Variants in FBXO47 observed in about 807,000 individuals in gnomAD.
The protein encoded by FBXO47 is F-box only protein 47.
In FBXO47, 34 loss-of-function variants were observed where a neutral mutation model predicts 53.9. The observed-to-expected ratio is 0.63, with a 90% CI of 0.48 to 0.84. FBXO47 has a LOEUF of 0.84. FBXO47 is among the 40% of genes least tolerant of loss of function. FBXO47 has a pLI of 0.00. For synonymous variants in FBXO47, 165 were observed against 181.6 expected, an observed-to-expected ratio of 0.91 and a Z score of 0.73; for missense variants, 485 against 541.3, an observed-to-expected ratio of 0.90 and a Z score of 1.03.
chr17:38,959,593 A>G (rs1905721574), intron 3 of FBXO47, among the ~76,000 whole-genome samples: 1 of 150,850 alleles, frequency 6.6e-6, no homozygotes, highest in Non-Finnish European at 1.5e-5. Flanking sequence ...AAAAAAAAAA[A>G]AAAAAAAAAA....
intron 3 of FBXO47, among the ~76,000 whole-genome samples, chr17:38,957,557 C>T (rs1905611846): frequency 6.6e-6 from 1 of 152,064 alleles, no homozygotes; most frequent in Admixed American, 6.6e-5. Flanking sequence ...AAGACAAAGA[C>T]ACACTAGAGA....
intron 6 of FBXO47, among the ~76,000 whole-genome samples, chr17:38,948,010 G>A (rs1905026414): frequency 6.6e-6 from 1 of 152,048 alleles, no homozygotes; most frequent in South Asian, 2.1e-4. Flanking sequence ...CCCATTTAAA[G>A]TGTACAATTC....
At chr17:38,949,661 T>G (rs1163538794) in intron 6 of FBXO47, among the ~76,000 whole-genome samples, 1 of 152,172 alleles carries the variant, frequency 6.6e-6, no homozygotes, top group Non-Finnish European at 1.5e-5. Flanking sequence ...GTTGTCACAT[T>G]CTCACTAACA....
At chr17:38,954,436 A>C (rs1905453666) in intron 5 of FBXO47, among the ~76,000 whole-genome samples, 1 of 152,316 alleles carries the variant, frequency 6.6e-6, no homozygotes, top group African/African-American at 2.4e-5. Context: ...ATTAGTCAAA[A>C]TGTTCTTGAA....
chr17:38,946,799 GATATATAAACATATATAAATATATAA>G lies in FBXO47; in HGVS notation c.617-1689_617-1664del, dbSNP rs1362981816. ...ATATATAAACATATAAATATATATA[GATATATAAACATATATAAATATATAA>G]ATATATAAATATATATAAACATATA... On this transcript the variant is annotated intron_variant, in intron 6 of 10. Transcript: ENST00000378079. Among the ~76,000 whole-genome samples the G allele has an allele frequency of 7.0e-5, 5 of 71,588 alleles. No individual in the cohort carries two copies. In the East Asian group the frequency reaches 2.1e-3, roughly 31 times the overall value. 47.0% of individuals were successfully genotyped at this position (71,588 alleles called of 152,430 possible). A position where few individuals can be genotyped will look rare whatever the true frequency, so the allele number is the denominator to read the frequency against.
rs775124906 is a variant in FBXO47 at position 38,945,082 on chromosome 17, A to T, written c.671T>A (p.Leu224His). Residue 224 changes from leucine to histidine, a missense_variant, in exon 7 of 11, where the codon CTT becomes CAT. By Grantham distance (99) the Leu-to-His change is moderately conservative. Coordinates refer to ENST00000378079, the MANE Select transcript of FBXO47 (RefSeq NM_001008777.3). ...RIRLFCRNVL[L>H]DHWTHRSDSA... is the part of the protein sequence containing the mutation. ...ATCACTTCGATGTGTCCAATGATCA[A>T]GGAGGACATTCCTACAGAAGAGTCT... 4 of 1,613,784 alleles carry T rather than the reference A, an allele frequency of 2.5e-6. No individual in the cohort carries two copies. Among genetic ancestry groups the T allele is most frequent in the Non-Finnish European group, 3.4e-6 (4 of 1,179,832 alleles).
At chr17:38,939,652 CTTTTTTTTTTTTTT>C (rs970784178) in intron 9 of FBXO47, among the ~76,000 whole-genome samples, 4 of 91,110 alleles carry the variant, frequency 4.4e-5, no homozygotes, top group African/African-American at 1.4e-4. Flanking sequence ...TAAAAGGTTT[CTTTTTTTTTTTTTT>C]TTTTTTTTTT....
intron 9 of FBXO47, 82 bp downstream of exon 9, chr17:38,942,696 A>G: frequency 9.7e-7 from 1 of 1,035,598 alleles, no homozygotes; most frequent in African/African-American, 1.6e-5. Flanking sequence ...TTTTGTCCAC[A>G]TTTCAGTTCC....
intron 6 of FBXO47, among the ~76,000 whole-genome samples, chr17:38,949,956 C>T (rs1010491465): frequency 2.6e-5 from 4 of 152,066 alleles, no homozygotes; most frequent in African/African-American, 9.7e-5. Flanking sequence ...TACAATTCAA[C>T]CATTTAAAGT....
chr17:38,946,373 TATATATAAATATATATATCTATATATAA>T (rs1211553952), intron 6 of FBXO47, among the ~76,000 whole-genome samples: 2 of 93,496 alleles, frequency 2.1e-5, no homozygotes, highest in African/African-American at 9.6e-5. Flanking sequence ...TATATAGATA[TATATATAAATATATATATCTATATATAA>T]ATATATAGAT....
At chr17:38,946,603 A>AAT (rs372938144) in intron 6 of FBXO47, among the ~76,000 whole-genome samples, 2 of 83,978 alleles carry the variant, frequency 2.4e-5, no homozygotes, top group African/African-American at 5.5e-5. Flanking sequence ...TAAATATATG[A>AAT]ATATATATAA....
At chr17:38,961,562 T>C (rs1376374977) in intron 3 of FBXO47, among the ~76,000 whole-genome samples, 1 of 152,178 alleles carries the variant, frequency 6.6e-6, no homozygotes, top group Non-Finnish European at 1.5e-5. Context: ...GAGATAAAAC[T>C]CACTTGATCC....
chr17:38,949,418 TCAAAACAAAA>T lies in FBXO47; in HGVS notation c.616+2153_616+2162del, dbSNP rs112640612. Among the ~76,000 whole-genome samples the T allele has an allele frequency of 5.5e-3, 828 of 151,430 alleles. 6 individuals are homozygous for T. Among genetic ancestry groups the T allele is most frequent in the African/African-American group, 0.018 (746 of 41,010 alleles). The stretch of plus-strand genomic sequence containing the variant: ...CTGGGTGATAGAGCCAGACCCTGTC[TCAAAACAAAA>T]CAAAACAAAACAAAACAAAACAACA... On this transcript the variant is annotated intron_variant, in intron 6 of 10. Transcript: ENST00000378079.
chr17:38,950,478 T>A (rs1905218317), intron 6 of FBXO47, among the ~76,000 whole-genome samples: 1 of 150,036 alleles, frequency 6.7e-6, no homozygotes, highest in African/African-American at 2.5e-5. Context: ...TTTTTTTTTT[T>A]TTTGGAGATC....
In FBXO47 at chr17:38,947,081, AAC is replaced by A. The variant is rs558443508; in HGVS notation, c.617-1947_617-1946del. 7.7e-3 allele frequency among the ~76,000 whole-genome samples: 971 copies of A among 126,372 alleles called. 24 individuals are homozygous for A. The highest frequency in any genetic ancestry group is 0.029 in the African/African-American group (929 of 32,200). 82.9% of individuals were successfully genotyped at this position (126,372 alleles called of 152,430 possible). On this transcript the variant is annotated intron_variant, in intron 6 of 10. Transcript: ENST00000378079. ...ATATAAATATATATAAACATATATA[AAC>A]ATATATATAAACATATATATAAACA...
At chr17:38,945,935 C>CAAAAAAAAAAAAAAAAA (rs34412322) in intron 6 of FBXO47, among the ~76,000 whole-genome samples, 5 of 94,646 alleles carry the variant, frequency 5.3e-5, no homozygotes, top group African/African-American at 2.3e-4. Flanking sequence ...GACTCTGGCT[C>CAAAAAAAAAAAAAAAAA]AAAAAAAAAA....
chr17:38,961,914 T>C lies in FBXO47; in HGVS notation c.315A>G (p.Arg105=), dbSNP rs1466564135. ...AGTGCTCCAGTATAGCAGAGTCTTG[T>C]CTCCTGTCAGGCAGCTCAAGGTTAT... ...DFHNLELPDR[R]QDSAILEHYR... Residue 105 remains arginine, a synonymous_variant, in exon 3 of 11, where the codon AGA becomes AGG. Coordinates refer to ENST00000378079, the MANE Select transcript of FBXO47 (RefSeq NM_001008777.3). The C allele has an allele frequency of 3.1e-6, 5 of 1,613,966 alleles. No individual in the cohort carries two copies. In the African/African-American group the frequency reaches 6.7e-5, roughly 22 times the overall value.
At chr17:38,966,910 C>G (rs549946256) in intron 1 of FBXO47, among the ~76,000 whole-genome samples, 1 of 152,222 alleles carries the variant, frequency 6.6e-6, no homozygotes, top group African/African-American at 2.4e-5. Flanking sequence ...TTCATGCCCC[C>G]TGTTCTATCC....
intron 3 of FBXO47, among the ~76,000 whole-genome samples, chr17:38,958,539 A>G (rs1414916840): frequency 6.6e-6 from 1 of 151,924 alleles, no homozygotes; most frequent in Admixed American, 6.6e-5. Flanking sequence ...CAGGAAGTGT[A>G]TGATTTGTTT....
Sources: gnomAD v4.1 joint callset for allele counts (sites outside exome capture counted in the v4.1 genomes callset) on GRCh38, gnomAD v4.1.1 for gene constraint, MANE v1.5 for transcripts, NCBI Gene and HGNC (gene_info 2026-07-23, HGNC 2026-07-21) for gene names.